The following LCOR variants were observed in gnomAD, a reference collection of about 807,000 sequenced individuals.
LCOR encodes ligand-dependent corepressor.
Under a neutral mutation model 64.4 loss-of-function variants are expected in LCOR, and 14 were observed. The observed-to-expected ratio is 0.22, with a 90% confidence interval of 0.14 to 0.34. The LOEUF is 0.34. Ranked by LOEUF, LCOR falls within the 10% of genes least tolerant of loss-of-function variation. The pLI is 1.00. For missense variants in LCOR, 1,686 were observed against 1,765.3 expected, an observed-to-expected ratio of 0.96 and a Z score of 0.80; for synonymous variants, 643 against 642.5, an observed-to-expected ratio of 1.00 and a Z score of -0.01.
chr10:96,975,058 G>C (rs149247287), intron 7 of LCOR, among the ~76,000 whole-genome samples: 8,383 of 152,210 alleles, frequency 0.055, 778 homozygotes, highest in African/African-American at 0.19. Flanking sequence ...GTAATCCCAG[G>C]TACTTGGGGG....
intron 7 of LCOR, chr10:96,957,787 A>G: frequency 5.1e-6 from 5 of 985,556 alleles, no homozygotes; most frequent in Non-Finnish European, 6.0e-6. Context: ...TGCACTGCTC[A>G]TTCTTGACAT....
chr10:96,859,695 C>T (rs1845857395), intron 2 of LCOR, among the ~76,000 whole-genome samples: 5 of 151,952 alleles, frequency 3.3e-5, no homozygotes, highest in Admixed American at 3.3e-4. Flanking sequence ...GTAGCTGGCA[C>T]CACAGGCGTG....
intron 2 of LCOR, among the ~76,000 whole-genome samples, chr10:96,889,766 C>T (rs553754419): frequency 6.6e-6 from 1 of 152,170 alleles, no homozygotes; most frequent in Admixed American, 6.5e-5. Flanking sequence ...CATTGGATGG[C>T]TGTACTCCAT....
At chr10:96,956,447 A>G (rs910782742) in intron 7 of LCOR, 3 of 984,946 alleles carry the variant, frequency 3.0e-6, no homozygotes, top group East Asian at 1.1e-4. Context: ...AAGAAGAACA[A>G]TGAACCTTTG....
intron 7 of LCOR, among the ~76,000 whole-genome samples, chr10:96,969,492 T>C (rs1299771680): frequency 6.6e-6 from 1 of 152,250 alleles, no homozygotes; most frequent in Non-Finnish European, 1.5e-5. Flanking sequence ...GCATTTCCAT[T>C]GTATACAAAA....
intron 4 of LCOR, among the ~76,000 whole-genome samples, chr10:96,926,119 A>T (rs1354381409): frequency 6.6e-6 from 1 of 152,178 alleles, no homozygotes; most frequent in African/African-American, 2.4e-5. Flanking sequence ...CCATTTTTCT[A>T]AAGAGATCTG....
intron 1 of LCOR, among the ~76,000 whole-genome samples, chr10:96,832,632 G>T (rs914941810): frequency 6.7e-6 from 1 of 150,066 alleles, no homozygotes; most frequent in African/African-American, 2.4e-5. Context: ...CCTCCCCGGG[G>T]CTGGCTCTCG....
intron 7 of LCOR, among the ~76,000 whole-genome samples, chr10:96,978,240 T>C (rs116650317): frequency 0.055 from 8,306 of 152,248 alleles, 762 homozygotes; most frequent in African/African-American, 0.19. Context: ...AGTCGGAAAG[T>C]TGGAAATGTC....
intron 4 of LCOR, among the ~76,000 whole-genome samples, chr10:96,927,528 A>T (rs1348384147): frequency 1.3e-5 from 2 of 152,092 alleles, no homozygotes; most frequent in Non-Finnish European, 2.9e-5. Context: ...TCCTGTTCAA[A>T]AAAATCTTTG....
intron 7 of LCOR, among the ~76,000 whole-genome samples, chr10:96,969,774 C>CTTTCT (rs1847981493): frequency 8.1e-6 from 1 of 124,114 alleles, no homozygotes; most frequent in African/African-American, 3.1e-5. Context: ...TTTTTTTTTT[C>CTTTCT]TTTTTTTTTT....
At chr10:96,960,179 G>A (rs1443185389) in intron 7 of LCOR, 1 of 152,208 alleles carries the variant, frequency 6.6e-6, no homozygotes, top group Non-Finnish European at 1.5e-5. Context: ...AGCAACCTTT[G>A]AGCTGCTAGT....
chr10:96,842,686 A>C (rs1375321905), intron 2 of LCOR, among the ~76,000 whole-genome samples: 1 of 142,052 alleles, frequency 7.0e-6, no homozygotes, highest in Non-Finnish European at 1.5e-5. Context: ...GCTGGAGTGC[A>C]GTGGTGTGAT....
chr10:96,920,141 G>T (rs2134470298), intron 4 of LCOR, among the ~76,000 whole-genome samples: 1 of 151,452 alleles, frequency 6.6e-6, no homozygotes, highest in Middle Eastern at 3.4e-3. Flanking sequence ...TTTCCGCATT[G>T]TTGCCCTCAT....
At chr10:96,958,557 A>G in intron 7 of LCOR, 1 of 665,888 alleles carries the variant, frequency 1.5e-6, no homozygotes, top group Non-Finnish European at 2.7e-6. Flanking sequence ...TTTTGGTTAG[A>G]AAGTGAATTT....
At chr10:96,947,366 C>T (rs753049671) in intron 5 of LCOR, among the ~76,000 whole-genome samples, 10 of 152,032 alleles carry the variant, frequency 6.6e-5, no homozygotes, top group East Asian at 1.9e-4. Context: ...ATCGTCCTTT[C>T]GGGGGAAAAA....
At chr10:96,894,617 G>T (rs1238760348) in intron 2 of LCOR, among the ~76,000 whole-genome samples, 1 of 152,324 alleles carries the variant, frequency 6.6e-6, no homozygotes, top group South Asian at 2.1e-4. Context: ...AAATCTGAAA[G>T]CTGATTCAAA....
chr10:96,962,507 T>C (rs1268643412), intron 7 of LCOR: 2 of 152,138 alleles, frequency 1.3e-5, no homozygotes, highest in African/African-American at 4.8e-5. Flanking sequence ...TGAGGGGGGA[T>C]GATTAACTAG....
chr10:96,925,899 C>T (rs1847159960), intron 4 of LCOR, among the ~76,000 whole-genome samples: 1 of 152,092 alleles, frequency 6.6e-6, no homozygotes, highest in East Asian at 1.9e-4. Context: ...TGAGGAAGAC[C>T]TGTCCCTTTC....
chr10:96,935,767 A>AAGGC, intron 4 of LCOR, among the ~76,000 whole-genome samples: 2 of 152,328 alleles, frequency 1.3e-5, no homozygotes. Flanking sequence ...CCAGGAAGGC[A>AAGGC]AGGCTTGCAG....
Sources: gnomAD v4.1 joint callset for allele counts (sites outside exome capture counted in the v4.1 genomes callset) on GRCh38, gnomAD v4.1.1 for gene constraint, MANE v1.5 for transcripts, NCBI Gene and HGNC (gene_info 2026-07-23, HGNC 2026-07-21) for gene names.